ZNF430: variants seen among roughly 807,000 people sequenced by gnomAD.
The protein encoded by ZNF430 is zinc finger protein 430.
A neutral mutation model predicts 56.7 loss-of-function variants in ZNF430; 35 were observed. That is an observed-to-expected ratio of 0.62 (90% CI 0.47 to 0.82). The LOEUF is 0.82. Ranked by LOEUF, ZNF430 falls within the 40% of genes least tolerant of loss-of-function variation. ZNF430 has a pLI of 0.00. For missense variants in ZNF430, 574 were observed against 661.0 expected, an observed-to-expected ratio of 0.87 and a Z score of 1.44; for synonymous variants, 212 against 224.3, an observed-to-expected ratio of 0.94 and a Z score of 0.49.
rs1202753228 is a variant in ZNF430, at chr19:21,057,918, G to T, written c.1610G>T (p.Gly537Val). The T allele has an allele frequency of 6.2e-7, 1 of 1,613,560 alleles. No homozygotes were observed. Among genetic ancestry groups the T allele is most frequent in the Admixed American group, 1.7e-5 (1 of 59,946 alleles). The change falls in exon 5 of 5, where the codon GGA becomes GTA. Residue 537 changes from glycine to valine, a missense_variant. Coordinates refer to ENST00000261560, the MANE Select transcript of ZNF430 (RefSeq NM_025189.4). ...TLTKHKVIHT[G>V]EKPYNCEEYG... The stretch of plus-strand genomic sequence containing the variant: ...ACTAAACATAAGGTAATTCATACTG[G>T]AGAGAAACCCTACAACTGTGAAGAA...
chr19:21,037,332 G>A, intron 4 of ZNF430, among the ~76,000 whole-genome samples: 1 of 152,000 alleles, frequency 6.6e-6, no homozygotes, highest in Admixed American at 6.6e-5. Context: ...TGGTCAGGCT[G>A]GTCTCAAACT....
intron 3 of ZNF430, chr19:21,033,829 T>C: frequency 1.9e-6 from 1 of 525,720 alleles, no homozygotes; most frequent in Non-Finnish European, 3.1e-6. Flanking sequence ...TCCAGAAATT[T>C]AGTGGCATAA....
chr19:21,041,731 T>TTGA (rs1190205605), intron 4 of ZNF430, among the ~76,000 whole-genome samples: 1 of 151,768 alleles, frequency 6.6e-6, no homozygotes, highest in Non-Finnish European at 1.5e-5. Flanking sequence ...TTTGTTGTTG[T>TTGA]TGAGACAGAG....
chr19:21,034,073 A>G lies in ZNF430; in HGVS notation c.224-13A>G, dbSNP rs1967950269. The G allele has an allele frequency of 1.2e-6, 2 of 1,600,970 alleles. No homozygotes were observed. Among genetic ancestry groups the G allele is most frequent in the Non-Finnish European group, 1.7e-6 (2 of 1,168,268 alleles). On this transcript the variant is annotated splice_polypyrimidine_tract_variant and intron_variant, in intron 3 of 4. Coordinates refer to ENST00000261560, the MANE Select transcript of ZNF430 (RefSeq NM_025189.4). ...AATATGAGAAAGATTCATGTTATTT[A>G]TTTTCAATAAAGCAGGTATTGCTGT...
At chr19:21,055,927 GTA>G (rs767389477) in intron 4 of ZNF430, among the ~76,000 whole-genome samples, 30 of 152,284 alleles carry the variant, frequency 2.0e-4, no homozygotes, top group Middle Eastern at 3.4e-3. Flanking sequence ...AGAAACCAGT[GTA>G]TAGATAGGTC....
intron 2 of ZNF430, among the ~76,000 whole-genome samples, chr19:21,030,753 C>G (rs1208228519): frequency 6.6e-6 from 1 of 152,058 alleles, no homozygotes; most frequent in African/African-American, 2.4e-5. Context: ...TTCATGAACC[C>G]TTTTCAAACT....
rs1422796958 is a variant in ZNF430, at chr19:21,057,794, CA to C, written c.1488del (p.Gln496HisfsTer10). On this transcript the variant is annotated frameshift_variant, in exon 5 of 5. Coordinates refer to ENST00000261560, the MANE Select transcript of ZNF430 (RefSeq NM_025189.4). LOFTEE classifies it high-confidence loss of function. ...KCEECGKAFN[Q>X]FSNLTKHKIT... ...TGAAGAATGTGGCAAAGCTTTTAAC[CA>C]ATTCTCAAACCTTACTAAACATAAG... The C allele has an allele frequency of 6.2e-7, 1 of 1,613,846 alleles. No homozygotes were observed. The highest frequency in any genetic ancestry group is 1.7e-5 in the Admixed American group (1 of 59,992).
chr19:21,054,161 A>T (rs1036279428), intron 4 of ZNF430, among the ~76,000 whole-genome samples: 1 of 152,180 alleles, frequency 6.6e-6, no homozygotes, highest in African/African-American at 2.4e-5. Flanking sequence ...GAAAATAATT[A>T]AAAATGTTTT....
rs746883045 is a variant in ZNF430 at position 21,022,740 on chromosome 19, A to G, written c.4-49A>G. On this transcript the variant is annotated intron_variant, in intron 1 of 4. Coordinates refer to ENST00000261560, the MANE Select transcript of ZNF430 (RefSeq NM_025189.4). ...CCAAGATATCCGCCATGGTTATGTC[A>G]GTTAGAGTGTCTAGTGGATATCAGC... 13 of 1,261,992 alleles carry G rather than the reference A, an allele frequency of 1.0e-5. No homozygotes were observed. In the Admixed American group the frequency reaches 2.2e-4, roughly 21 times the overall value. 78.2% of individuals were successfully genotyped at this position (1,261,992 alleles called of 1,614,324 possible).
Position 21,054,669 on chromosome 19 carries a change from C to CTTTT in ZNF430, c.323-1941_323-1938dup, listed in dbSNP as rs55772412. On this transcript the variant is annotated intron_variant, in intron 4 of 4. Transcript: ENST00000261560. ...TTTTTGAGCTTCTTCATTTTTACGTCTTTTTTTTTTTTTTTTTTTTTTTTG... is the reference window on the plus strand; with the variant it reads ...TTTTTGAGCTTCTTCATTTTTACGTCTTTTTTTTTTTTTTTTTTTTTTTTTTTTG... Among the ~76,000 whole-genome samples, 524 of 65,578 alleles carry CTTTT rather than the reference C, an allele frequency of 8.0e-3. 37 individuals carry two copies. The highest frequency in any genetic ancestry group is 0.019 in the African/African-American group (295 of 15,722). 43.0% of individuals were successfully genotyped at this position (65,578 alleles called of 152,430 possible).
At chr19:21,037,434 A>G (rs1968023794) in intron 4 of ZNF430, among the ~76,000 whole-genome samples, 1 of 149,182 alleles carries the variant, frequency 6.7e-6, no homozygotes, top group Admixed American at 6.7e-5. Flanking sequence ...GTTTTTTAAG[A>G]CTGAATAATA....
intron 4 of ZNF430, among the ~76,000 whole-genome samples, chr19:21,037,935 A>C (rs970410504): frequency 6.6e-6 from 1 of 152,014 alleles, no homozygotes; most frequent in Admixed American, 6.6e-5. Flanking sequence ...ACTTAGTTTT[A>C]AGGGTTTTTT....
At chr19:21,021,866 C>G (rs1001951834) in intron 1 of ZNF430, among the ~76,000 whole-genome samples, 1 of 125,822 alleles carries the variant, frequency 7.9e-6, no homozygotes, top group Non-Finnish European at 1.5e-5. Flanking sequence ...GATGGAGTCT[C>G]GCTCTTGTCG....
intron 2 of ZNF430, among the ~76,000 whole-genome samples, chr19:21,026,406 C>T (rs2144751196): frequency 6.6e-6 from 1 of 152,214 alleles, no homozygotes; most frequent in African/African-American, 2.4e-5. Context: ...TCAGGCTGGT[C>T]TCAAACTCCT....
At chr19:21,044,298 T>C (rs936817421) in intron 4 of ZNF430, among the ~76,000 whole-genome samples, 2 of 152,214 alleles carry the variant, frequency 1.3e-5, no homozygotes, top group African/African-American at 4.8e-5. Flanking sequence ...TGAAGGTATG[T>C]TGAATTTAAT....
At chr19:21,035,387 A>G (rs889800362) in intron 4 of ZNF430, 3 of 152,188 alleles carry the variant, frequency 2.0e-5, no homozygotes, top group Admixed American at 6.5e-5. Context: ...ATGTTTTGCT[A>G]ATTTACTGAG....
intron 1 of ZNF430, among the ~76,000 whole-genome samples, chr19:21,021,203 A>G (rs867753554): frequency 2.0e-5 from 3 of 152,028 alleles, no homozygotes; most frequent in Non-Finnish European, 4.4e-5. Flanking sequence ...CTTTTCTCCT[A>G]TTAAAAATGT....
chr19:21,026,233 G>A (rs1247619097), intron 2 of ZNF430, among the ~76,000 whole-genome samples: 3 of 149,650 alleles, frequency 2.0e-5, no homozygotes, highest in African/African-American at 7.4e-5. Context: ...GTGTTGCCCC[G>A]GCTGGAGTTC....
rs769306738 is a variant in ZNF430 at position 21,057,640 on chromosome 19, T to C, written c.1332T>C (p.Leu444=). 2.1e-5 allele frequency: 34 copies of C among 1,612,090 alleles called. 1 individual carries two copies. In the South Asian group the frequency reaches 3.2e-4, roughly 15 times the overall value. The change falls in exon 5 of 5, where the codon CTT becomes CTC. Residue 444 remains leucine, a synonymous_variant. Coordinates refer to ENST00000261560, the MANE Select transcript of ZNF430 (RefSeq NM_025189.4). The part of the protein sequence containing the change: ...CGKAFNESSN[L]TAHKIIHTGE... Reference sequence around the variant, plus strand: ...AAGCTTTTAATGAGTCCTCAAACCTTACTGCACATAAGATAATTCATACTG... The same window carrying C: ...AAGCTTTTAATGAGTCCTCAAACCTCACTGCACATAAGATAATTCATACTG...
Sources: gnomAD v4.1 joint callset for allele counts (sites outside exome capture counted in the v4.1 genomes callset) on GRCh38, gnomAD v4.1.1 for gene constraint, MANE v1.5 for transcripts, NCBI Gene and HGNC (gene_info 2026-07-23, HGNC 2026-07-21) for gene names.